COL5A1: variants seen among roughly 807,000 people sequenced by gnomAD.
The protein encoded by COL5A1 is collagen alpha-1(V) chain.
In COL5A1, 16 loss-of-function variants were observed where a neutral mutation model predicts 263.7. The ratio of observed to expected loss-of-function variants is 0.06; its 90% CI spans 0.04 to 0.09. The LOEUF (loss-of-function observed/expected upper bound fraction) is 0.09, where lower values mean the gene tolerates loss of function less well. COL5A1 is among the 10% of genes least tolerant of loss of function. The probability of loss-of-function intolerance (pLI) is 1.00; values close to 1 mark genes in which losing one functional copy is unlikely to be tolerated. For missense variants in COL5A1, 2,036 were observed against 2,540.5 expected (o/e 0.80, Z 4.27); for synonymous variants, 1,012 against 1,004.5 (o/e 1.01, Z -0.14).
Position 134,701,189 on chromosome 9 carries a change from C to T in COL5A1, c.510C>T (p.Leu170=). 3 of 1,613,972 alleles carry T rather than the reference C, an allele frequency of 1.9e-6. No individual in the cohort carries two copies. The highest frequency in any genetic ancestry group is 1.7e-6 in the Non-Finnish European group (2 of 1,180,020). ...LSDGKWHRIA[L]SVHKKNVTLI... is the part of the protein sequence containing the mutation. ...TTTGCAGGTGGCACAGAATTGCTCT[C>T]AGCGTCCACAAGAAAAATGTCACCT... is the stretch of plus-strand genomic sequence containing the variant. The change falls in exon 4 of 66, where the codon CTC becomes CTT. Residue 170 remains leucine (L), a synonymous_variant. Transcript: ENST00000371817.
rs973780301 is a variant in COL5A1 at position 134,681,148 on chromosome 9, G to A, written c.110-9764G>A. ...CTGGGTTGACCTCACTGATGAGGCC[G>A]CCTGCCTTGCAGGGAGGGCTGGGGT... On this transcript the variant is annotated intron_variant, in intron 1 of 65. Coordinates refer to ENST00000371817, the MANE Select transcript of COL5A1 (RefSeq NM_000093.5). This position sits in a 1 kb window ranked among gnomAD's most constrained non-coding sequence, Gnocchi z 4.3. Among the ~76,000 whole-genome samples, 1 of 152,170 alleles carries A rather than the reference G, an allele frequency of 6.6e-6. No homozygotes were observed. The highest frequency in any genetic ancestry group is 1.5e-5 in the Non-Finnish European group (1 of 68,018).
In COL5A1 at chr9:134,680,752, C is replaced by T. The variant is rs1178299910; in HGVS notation, c.110-10160C>T. On this transcript the variant is annotated intron_variant, in intron 1 of 65. Coordinates refer to ENST00000371817, the MANE Select transcript of COL5A1 (RefSeq NM_000093.5). The surrounding 1 kb of genome is among the most constrained non-coding windows in gnomAD (Gnocchi z 5.9). ...ATGGACCTGTGACAGCCAGGGCCTC[C>T]CGGGAAAATTCCACAGGGGCAGAAG... 6.6e-6 allele frequency among the ~76,000 whole-genome samples: 1 copy of T among 152,162 alleles called. No homozygotes were observed. The highest frequency in any genetic ancestry group is 1.5e-5 in the Non-Finnish European group (1 of 68,026).
At position 134,818,640 on chromosome 9, in the gene COL5A1, C is replaced by G; in HGVS notation, c.4231-16C>G. 1.3e-6 allele frequency: 2 copies of G among 1,593,828 alleles called. No homozygotes were observed. The highest frequency in any genetic ancestry group is 1.7e-6 in the Non-Finnish European group (2 of 1,168,036). ...CTAGAGCTCCGGACCTCATTCTGCC[C>G]TCCGCCGTCCTGCAGGGAGAAGCCG... On this transcript the variant is annotated splice_polypyrimidine_tract_variant and intron_variant, in intron 54 of 65. Transcript: ENST00000371817. This position sits in a 1 kb window ranked among gnomAD's most constrained non-coding sequence, Gnocchi z 6.0.
At chr9:134,839,872 C>T (rs536896477) in intron 65 of COL5A1, among the ~76,000 whole-genome samples, 2 of 152,278 alleles carry the variant, frequency 1.3e-5, no homozygotes, top group African/African-American at 4.8e-5. Flanking sequence ...CCCTGCCCTC[C>T]GTTCCACAGG....
chr9:134,796,149 T>C (rs1225002960), intron 34 of COL5A1, among the ~76,000 whole-genome samples: 1 of 152,222 alleles, frequency 6.6e-6, no homozygotes, highest in East Asian at 1.9e-4. Context: ...TCCAGCCTTG[T>C]AGACACTGGG....
chr9:134,656,290 C>T (rs536641495), intron 1 of COL5A1, among the ~76,000 whole-genome samples: 1 of 152,318 alleles, frequency 6.6e-6, no homozygotes, highest in East Asian at 1.9e-4. Flanking sequence ...CTCCAGCCCT[C>T]TGTCCTTCTG....
At chr9:134,787,630 A>G (rs947288226) in intron 31 of COL5A1, among the ~76,000 whole-genome samples, 1 of 152,182 alleles carries the variant, frequency 6.6e-6, no homozygotes, top group Non-Finnish European at 1.5e-5. Flanking sequence ...GCACCTTGCA[A>G]ACTTCTAGAA....
chr9:134,822,010 C>T (rs926002554), intron 58 of COL5A1, 87 bp from the exon 59 acceptor site: 27 of 1,184,318 alleles, frequency 2.3e-5, no homozygotes, highest in Middle Eastern at 2.5e-4. Flanking sequence ...ACAGGGGAGC[C>T]GAGGGGTGTG....
Position 134,765,555 on chromosome 9 carries a change from G to A in COL5A1, c.2035-126G>A. On this transcript the variant is annotated intron_variant, in intron 20 of 65. Coordinates refer to ENST00000371817, the MANE Select transcript of COL5A1 (RefSeq NM_000093.5). This position sits in a 1 kb window ranked among gnomAD's most constrained non-coding sequence, Gnocchi z 5.1. ...GGGAGTCTGGGCCTCACTCCTGGGA[G>A]GCCAGGAGGCCTGAGTCACCAGCTG... 2.5e-6 allele frequency: 2 copies of A among 810,280 alleles called. No homozygotes were observed. Among genetic ancestry groups the A allele is most frequent in the Non-Finnish European group, 4.3e-6 (2 of 466,674 alleles). The allele number at this position is 810,280 out of a possible 1,614,324, so 50.2% of individuals were successfully genotyped here.
chr9:134,645,641 C>T (rs1831451571), intron 1 of COL5A1, among the ~76,000 whole-genome samples: 1 of 152,252 alleles, frequency 6.6e-6, no homozygotes, highest in African/African-American at 2.4e-5. Flanking sequence ...ACTGCACCCT[C>T]ACCCGGGCCT....
At position 134,818,542 on chromosome 9, in the gene COL5A1, T is replaced by C. The variant is rs1167258352; in HGVS notation, c.4231-114T>C. 1 of 743,382 alleles carries C rather than the reference T, an allele frequency of 1.3e-6. No homozygotes were observed. The highest frequency in any genetic ancestry group is 2.3e-6 in the Non-Finnish European group (1 of 425,734). The allele number at this position is 743,382 out of a possible 1,614,324, so 46.0% of individuals were successfully genotyped here. Reference sequence around the variant, plus strand: ...TGGAGAATTAGGGCAACCCCGGATATGGGGTCACCTGGGACTCCTCCAGAG... The same window carrying C: ...TGGAGAATTAGGGCAACCCCGGATACGGGGTCACCTGGGACTCCTCCAGAG... On this transcript the variant is annotated intron_variant, in intron 54 of 65. Transcript: ENST00000371817. This position sits in a 1 kb window ranked among gnomAD's most constrained non-coding sequence, Gnocchi z 6.0.
chr9:134,701,262 G>C lies in COL5A1; in HGVS notation c.583G>C (p.Asp195His), dbSNP rs781248560. 6.2e-7 allele frequency: 1 copy of C among 1,613,840 alleles called. No individual in the cohort carries two copies. Among genetic ancestry groups the C allele is most frequent in the Admixed American group, 1.7e-5 (1 of 60,000 alleles). The change falls in exon 4 of 66, where the codon GAC becomes CAC. Residue 195 changes from aspartate to histidine, a missense_variant. This residue lies in a region of COL5A1 where 600 missense variants were observed against 634.5 expected (regional missense o/e 0.95). Coordinates refer to ENST00000371817, the MANE Select transcript of COL5A1 (RefSeq NM_000093.5). ...GACCACCAAATTCCTCGACCGCAGC[G>C]ACCACCCCATGATCGACATCAATGG... ...KKTTKFLDRSDHPMIDINGII... is the reference protein window; with the variant it reads ...KKTTKFLDRSHHPMIDINGII...
At chr9:134,744,037 A>T (rs1280328806) in intron 11 of COL5A1, among the ~76,000 whole-genome samples, 2 of 152,150 alleles carry the variant, frequency 1.3e-5, no homozygotes, top group Admixed American at 1.3e-4. Flanking sequence ...AGGCTAGATC[A>T]CTGGCAACTT....
intron 34 of COL5A1, 38 bp from the exon 35 acceptor site, chr9:134,796,336 C>T (rs771921819): frequency 6.2e-7 from 1 of 1,606,994 alleles, no homozygotes; most frequent in Non-Finnish European, 8.5e-7. Context: ...CAAATAATAA[C>T]AATCATAAGC....
chr9:134,791,572 T>C (rs2132791334), intron 32 of COL5A1, among the ~76,000 whole-genome samples: 1 of 151,716 alleles, frequency 6.6e-6, no homozygotes, highest in Non-Finnish European at 1.5e-5. Flanking sequence ...TTCCCGAATG[T>C]CCACAGGAAG....
At chr9:134,760,787 C>G (rs1038229455) in intron 18 of COL5A1, among the ~76,000 whole-genome samples, 9 of 147,858 alleles carry the variant, frequency 6.1e-5, no homozygotes, top group Non-Finnish European at 1.0e-4. Context: ...TACACATGCA[C>G]ACACACGCAT....
chr9:134,797,123 C>A (rs952698144), intron 36 of COL5A1, among the ~76,000 whole-genome samples: 3 of 152,252 alleles, frequency 2.0e-5, no homozygotes, highest in African/African-American at 7.2e-5. Flanking sequence ...GTCCCACTGC[C>A]GGGCCCGCTG....
At chr9:134,759,834 C>CA (rs1336837867) in intron 18 of COL5A1, among the ~76,000 whole-genome samples, 6 of 70,618 alleles carry the variant, frequency 8.5e-5, no homozygotes, top group South Asian at 6.1e-4. Context: ...CCACACCCCC[C>CA]CACTCACGCA....
intron 4 of COL5A1, among the ~76,000 whole-genome samples, chr9:134,724,834 C>T (rs1483331762): frequency 3.9e-5 from 6 of 152,056 alleles, no homozygotes; most frequent in African/African-American, 1.4e-4. Flanking sequence ...GGTGCCTCTG[C>T]TTGGATGGAG....
Sources: gnomAD v4.1 joint callset for allele counts (sites outside exome capture counted in the v4.1 genomes callset) on GRCh38, gnomAD v4.1.1 for gene constraint, gnomAD v4.1.1 regional missense constraint, Gnocchi (gnomAD v3.1) non-coding constraint, MANE v1.5 for transcripts, NCBI Gene and HGNC (gene_info 2026-07-23, HGNC 2026-07-21) for gene names.